Variants in RUNX1T1 observed in about 807,000 individuals in gnomAD.
RUNX1T1 encodes the protein RUNX1 partner transcriptional co-repressor 1.
In RUNX1T1, 4 loss-of-function variants were observed where a neutral mutation model predicts 62.8. The ratio of observed to expected loss-of-function variants is 0.06; its 90% CI spans 0.03 to 0.15. The LOEUF (loss-of-function observed/expected upper bound fraction) is 0.15, where lower values mean the gene tolerates loss of function less well. RUNX1T1 is among the 10% of genes least tolerant of loss of function. RUNX1T1 has a pLI of 1.00. For synonymous variants in RUNX1T1, 291 were observed against 286.0 expected (o/e 1.02, Z -0.18); for missense variants, 508 against 754.3 (o/e 0.67, Z 3.82).
At chr8:92,091,936 T>A (rs896811636) in intron 1 of RUNX1T1, among the ~76,000 whole-genome samples, 1 of 152,220 alleles carries the variant, frequency 6.6e-6, no homozygotes, top group Non-Finnish European at 1.5e-5. Context: ...TGTGCCTGCC[T>A]TCCCCTTTAT....
chr8:92,098,649 G>A (rs181158320), intron 1 of RUNX1T1, among the ~76,000 whole-genome samples: 10 of 152,204 alleles, frequency 6.6e-5, no homozygotes, highest in Non-Finnish European at 1.5e-4. Context: ...GCTACATAGC[G>A]ATTTATTCAC....
At chr8:92,059,663 T>C (rs1831590555) in intron 1 of RUNX1T1, among the ~76,000 whole-genome samples, 2 of 152,228 alleles carry the variant, frequency 1.3e-5, no homozygotes, top group Non-Finnish European at 2.9e-5. Flanking sequence ...CTTAAAGCTA[T>C]GTGTAAGTGT....
intron 8 of RUNX1T1, 41 bp downstream of exon 9, chr8:91,986,083 G>A (rs1258247396): frequency 7.6e-7 from 1 of 1,316,636 alleles, no homozygotes; most frequent in Non-Finnish European, 1.1e-6. Flanking sequence ...AACAGCATAA[G>A]AAATATGTGT....
chr8:92,066,827 G>C (rs1415322558), upstream of RUNX1T1, among the ~76,000 whole-genome samples: 1 of 152,154 alleles, frequency 6.6e-6, no homozygotes, highest in Admixed American at 6.5e-5. Flanking sequence ...GGGATAGAGG[G>C]GGAAAGAAAA....
chr8:91,979,163 A>G (rs1471135767), intron 8 of RUNX1T1, among the ~76,000 whole-genome samples: 2 of 152,264 alleles, frequency 1.3e-5, no homozygotes, highest in East Asian at 3.9e-4. Flanking sequence ...CTTGATAAAC[A>G]CTACTTTAAT....
At chr8:91,986,089 T>G in intron 8 of RUNX1T1, 35 bp downstream of exon 9, 1 of 1,342,594 alleles carries the variant, frequency 7.4e-7, no homozygotes, top group Non-Finnish European at 1.1e-6. Context: ...ATAAGAAATA[T>G]GTGTTTTCGA....
At chr8:92,098,651 T>C (rs1339492804) in intron 1 of RUNX1T1, among the ~76,000 whole-genome samples, 3 of 152,180 alleles carry the variant, frequency 2.0e-5, no homozygotes, top group Admixed American at 2.0e-4. Context: ...TACATAGCGA[T>C]TTATTCACTC....
intron 5 of RUNX1T1, among the ~76,000 whole-genome samples, chr8:91,999,554 A>C (rs922763122): frequency 6.6e-6 from 1 of 152,182 alleles, no homozygotes; most frequent in Non-Finnish European, 1.5e-5. Context: ...CTATGAGAGC[A>C]TGGGCATTTG....
chr8:92,073,264 C>T (rs375388057), intron 2 of RUNX1T1, among the ~76,000 whole-genome samples: 2 of 152,134 alleles, frequency 1.3e-5, no homozygotes, highest in South Asian at 2.1e-4. Context: ...ACTGTGTGTA[C>T]CTTGGGTATG....
intron 1 of RUNX1T1, among the ~76,000 whole-genome samples, chr8:92,028,440 T>C (rs912826714): frequency 1.3e-5 from 2 of 152,154 alleles, no homozygotes; most frequent in African/African-American, 4.8e-5. Context: ...TTCCAGTGAC[T>C]CTTGCTTCTT....
intron 6 of RUNX1T1, among the ~76,000 whole-genome samples, chr8:91,988,777 A>C (rs1213115199): frequency 6.6e-6 from 1 of 152,174 alleles, no homozygotes; most frequent in Non-Finnish European, 1.5e-5. Context: ...ACTAAGCTTC[A>C]TCTCATTTTT....
intron 1 of RUNX1T1, among the ~76,000 whole-genome samples, chr8:92,078,551 G>A (rs917534454): frequency 3.9e-5 from 6 of 151,994 alleles, no homozygotes; most frequent in African/African-American, 1.4e-4. Flanking sequence ...AGTTCTACAA[G>A]TGTTATTTAA....
At chr8:92,041,434 A>C (rs1161301291) in intron 1 of RUNX1T1, among the ~76,000 whole-genome samples, 2 of 152,194 alleles carry the variant, frequency 1.3e-5, no homozygotes, top group Non-Finnish European at 2.9e-5. Context: ...TGGCTGAATG[A>C]AAAACTGTTT....
In RUNX1T1 at chr8:92,076,166, T is replaced by A. The variant is rs1211003332; in HGVS notation, c.-85-29A>T. 4 of 1,478,010 alleles carry A rather than the reference T, an allele frequency of 2.7e-6. No homozygotes were observed. In the East Asian group the frequency reaches 9.5e-5, roughly 35 times the overall value. 91.6% of individuals were successfully genotyped at this position (1,478,010 alleles called of 1,614,324 possible). A position where few individuals can be genotyped will look rare whatever the true frequency, so the allele number is the denominator to read the frequency against. ...TTGACAACAACAAAGGGAAAAAAAATGCATATATCACAACCAGTCTGAAGT... is the reference window on the plus strand; with the variant it reads ...TTGACAACAACAAAGGGAAAAAAAAAGCATATATCACAACCAGTCTGAAGT... On this transcript the variant is annotated intron_variant, in intron 1 of 11. Coordinates refer to the RUNX1T1 transcript ENST00000265814.
At chr8:92,084,259 A>AAAAATT (rs1392794511) in intron 1 of RUNX1T1, among the ~76,000 whole-genome samples, 24 of 146,622 alleles carry the variant, frequency 1.6e-4, no homozygotes, top group Non-Finnish European at 4.5e-5. Flanking sequence ...AAATAAAAAT[A>AAAAATT]AAAATAAAAG....
At chr8:91,999,453 G>T (rs1263907137) in intron 5 of RUNX1T1, among the ~76,000 whole-genome samples, 1 of 152,122 alleles carries the variant, frequency 6.6e-6, no homozygotes, top group African/African-American at 2.4e-5. Flanking sequence ...TCTAAGAAAA[G>T]AACCTAACAT....
At chr8:91,963,476 T>C (rs1178840110) in intron 10 of RUNX1T1, among the ~76,000 whole-genome samples, 1 of 152,292 alleles carries the variant, frequency 6.6e-6, no homozygotes, top group East Asian at 1.9e-4. Context: ...ATTAGAAAAC[T>C]GAAAGAGCAA....
chr8:91,989,478 A>C (rs935171255), intron 6 of RUNX1T1, among the ~76,000 whole-genome samples: 4 of 152,188 alleles, frequency 2.6e-5, no homozygotes, highest in Non-Finnish European at 5.9e-5. Context: ...AATCACATAA[A>C]ACCAATGGAT....
At chr8:92,054,148 C>T (rs981119010) in intron 1 of RUNX1T1, among the ~76,000 whole-genome samples, 4 of 150,900 alleles carry the variant, frequency 2.7e-5, no homozygotes, top group African/African-American at 7.3e-5. Context: ...AAAAGACAGG[C>T]TTTTCAGGCT....
Sources: gnomAD v4.1 joint callset for allele counts (sites outside exome capture counted in the v4.1 genomes callset) on GRCh38, gnomAD v4.1.1 for gene constraint, MANE v1.5 for transcripts, NCBI Gene and HGNC (gene_info 2026-07-23, HGNC 2026-07-21) for gene names.